Variants in GRM4 observed in about 807,000 individuals in gnomAD.
GRM4 encodes glutamate metabotropic receptor 4.
GRM4 carries 28 observed loss-of-function variants against 81.7 expected under a neutral mutation model. The observed-to-expected ratio is 0.34, with a 90% CI of 0.25 to 0.47. The LOEUF (loss-of-function observed/expected upper bound fraction) is 0.47. Among genes scored for constraint, GRM4 ranks in the 20% least tolerant of loss-of-function variants. The pLI, the probability that GRM4 is intolerant of heterozygous loss-of-function variation, is 1.00. For synonymous variants in GRM4, 488 were observed against 528.8 expected (o/e 0.92, Z 1.06); for missense variants, 948 against 1,290.0 (o/e 0.73, Z 4.06).
rs566252842 is a variant in GRM4, at chr6:34,078,920, A to G, written c.736+12963T>C. Among the ~76,000 whole-genome samples the G allele has an allele frequency of 6.6e-6, 1 of 152,318 alleles. No individual in the cohort carries two copies. The highest frequency in any genetic ancestry group is 1.9e-4 in the East Asian group (1 of 5,188). The stretch of plus-strand genomic sequence containing the variant: ...TAATGGGGCAGCATGTAAGTGAGGG[A>G]GAGAGGAAAGGACGGTCACAACGGG... On this transcript the variant is annotated intron_variant, in intron 3 of 10. Transcript: ENST00000538487. The surrounding 1 kb of genome is among the most constrained non-coding windows in gnomAD (Gnocchi z 4.8).
Position 34,061,880 on chromosome 6 carries a change from C to T in GRM4, c.872+13G>A. The T allele has an allele frequency of 6.2e-7, 1 of 1,604,296 alleles. No homozygotes were observed. Among genetic ancestry groups the T allele is most frequent in the Non-Finnish European group, 8.5e-7 (1 of 1,173,084 alleles). On this transcript the variant is annotated intron_variant, in intron 4 of 10. Coordinates refer to ENST00000538487, the MANE Select transcript of GRM4 (RefSeq NM_000841.4). ...TGGCTCCCGGTGCCCACCCTGCTGCCACCTGCCCTCACCTGATGTCATCCT... is the reference window on the plus strand; with the variant it reads ...TGGCTCCCGGTGCCCACCCTGCTGCTACCTGCCCTCACCTGATGTCATCCT...
chr6:34,033,010 G>C (rs1270760081), intron 9 of GRM4, among the ~76,000 whole-genome samples: 1 of 152,184 alleles, frequency 6.6e-6, no homozygotes, highest in Non-Finnish European at 1.5e-5. Context: ...AGTTTCCTGG[G>C]GTATGGGATG....
Position 34,028,198 on chromosome 6 carries a change from T to G in GRM4, c.2611A>C (p.Asn871His). The G allele has an allele frequency of 6.2e-7, 1 of 1,614,000 alleles. No homozygotes were observed. The highest frequency in any genetic ancestry group is 2.2e-5 in the East Asian group (1 of 44,874). The change falls in exon 10 of 11, where the codon AAC becomes CAC. Residue 871 changes from asparagine to histidine, a missense_variant. Coordinates refer to ENST00000538487, the MANE Select transcript of GRM4 (RefSeq NM_000841.4). Reference protein sequence around the residue: ...KAVVTAATMSNKFTQKGNFRP... With the variant: ...KAVVTAATMSHKFTQKGNFRP... ...AAGTTGCCCTTCTGCGTGAACTTGT[T>G]GGACATGGTGGCCGCCGTAACGACG...
rs1770346931 is a variant in GRM4, at chr6:34,133,772, G to A, written c.-276C>T. On this transcript the variant is annotated 5_prime_UTR_variant, in exon 2 of 11. Coordinates refer to ENST00000538487, the MANE Select transcript of GRM4 (RefSeq NM_000841.4). The surrounding 1 kb of genome is among the most constrained non-coding windows in gnomAD (Gnocchi z 6.5). ...CCCGTCCTGCAGGCCTGTTCTCGGT[G>A]GATGACTGTGGAAAGGGCAGAATGC... 8 of 1,214,906 alleles carry A rather than the reference G, an allele frequency of 6.6e-6. No individual in the cohort carries two copies. The highest frequency in any genetic ancestry group is 8.2e-6 in the Non-Finnish European group (8 of 976,940). The allele number at this position is 1,214,906 out of a possible 1,614,324, so 75.3% of individuals were successfully genotyped here. A position where few individuals can be genotyped will look rare whatever the true frequency, so the allele number is the denominator to read the frequency against.
At chr6:34,150,506 G>A (rs371830448), upstream of GRM4, among the ~76,000 whole-genome samples, 7 of 152,230 alleles carry the variant, frequency 4.6e-5, no homozygotes, top group South Asian at 2.1e-4. Context: ...TGGGCAGAAG[G>A]GCTGTGAGTG....
rs1246556882 is a variant in GRM4 at position 34,125,252 on chromosome 6, ACT to A, written c.519+7724_519+7725del. Reference sequence around the variant, plus strand: ...CTTCCCAAAGGACGCTTACCTTTTAACTCTGCAGGAATGAGCCTGTTTGCCCA... The same window carrying A: ...CTTCCCAAAGGACGCTTACCTTTTAACTGCAGGAATGAGCCTGTTTGCCCA... On this transcript the variant is annotated intron_variant, in intron 2 of 10. Transcript: ENST00000538487. Among the ~76,000 whole-genome samples the A allele has an allele frequency of 7.9e-5, 12 of 152,146 alleles. No homozygotes were observed. The East Asian group carries it at 2.3e-3, about 29-fold the overall frequency.
At position 34,090,030 on chromosome 6, in the gene GRM4, T is replaced by C. The variant is rs1768119006; in HGVS notation, c.736+1853A>G. ...AATCCCTTCTCCACCTCTTACTTGC[T>C]GTGTGGCCTGGTGCTAGCTATTATT... On this transcript the variant is annotated intron_variant, in intron 3 of 10. Transcript: ENST00000538487. The surrounding 1 kb of genome is among the most constrained non-coding windows in gnomAD (Gnocchi z 5.2). Among the ~76,000 whole-genome samples, 1 of 152,228 alleles carries C rather than the reference T, an allele frequency of 6.6e-6. No homozygotes were observed. Among genetic ancestry groups the C allele is most frequent in the Non-Finnish European group, 1.5e-5 (1 of 68,036 alleles).
Position 34,080,841 on chromosome 6 carries a change from C to CAT in GRM4, c.736+11041_736+11042insAT, listed in dbSNP as rs1491012174. ...TCTCTCTCTCTCTCTCACACACACA[C>CAT]ACACATACACACACACATACACATA... On this transcript the variant is annotated intron_variant, in intron 3 of 10. Transcript: ENST00000538487. The surrounding 1 kb of genome is among the most constrained non-coding windows in gnomAD (Gnocchi z 5.4). Among the ~76,000 whole-genome samples, 3 of 132,204 alleles carry CAT rather than the reference C, an allele frequency of 2.3e-5. No individual in the cohort carries two copies. Among genetic ancestry groups the CAT allele is most frequent in the Non-Finnish European group, 4.6e-5 (3 of 65,152 alleles). The allele number at this position is 132,204 out of a possible 152,430, so 86.7% of individuals were successfully genotyped here.
At chr6:34,141,377 G>C (rs867394910) in intron 1 of GRM4, among the ~76,000 whole-genome samples, 10 of 152,206 alleles carry the variant, frequency 6.6e-5, no homozygotes, top group African/African-American at 2.2e-4. Context: ...AATGGCGTGG[G>C]CTGGCATTAT....
intron 6 of GRM4, among the ~76,000 whole-genome samples, chr6:34,052,019 C>T (rs980737947): frequency 1.2e-4 from 18 of 152,210 alleles, no homozygotes; most frequent in African/African-American, 4.3e-4. Flanking sequence ...ACATCCAACC[C>T]TGACCCCTTC....
chr6:34,154,964 C>A, intron 1 of GRM4: 1 of 824,340 alleles, frequency 1.2e-6, no homozygotes. Flanking sequence ...ACCCAGCGGC[C>A]GGGCCTGGGG....
rs573192147 is a variant in GRM4 at position 34,128,121 on chromosome 6, T to C, written c.519+4857A>G. On this transcript the variant is annotated intron_variant, in intron 2 of 10. Transcript: ENST00000538487. Reference sequence around the variant, plus strand: ...CATTACTCAAAGTTAAGTTGTCTGCTCGGTCTCAACACTGAGTGCTGCACT... The same window carrying C: ...CATTACTCAAAGTTAAGTTGTCTGCCCGGTCTCAACACTGAGTGCTGCACT... Among the ~76,000 whole-genome samples the C allele has an allele frequency of 4.7e-3, 712 of 152,298 alleles. 4 individuals are homozygous for C. The highest frequency in any genetic ancestry group is 7.9e-3 in the South Asian group (38 of 4,826).
chr6:34,096,923 T>G (rs1258816132), intron 2 of GRM4, among the ~76,000 whole-genome samples: 1 of 131,596 alleles, frequency 7.6e-6, no homozygotes, highest in Non-Finnish European at 1.9e-5. Context: ...TGAGTGTGTG[T>G]GTGTGTGTGT....
intron 3 of GRM4, among the ~76,000 whole-genome samples, chr6:34,083,672 G>A (rs1767729275): frequency 6.6e-6 from 1 of 152,178 alleles, no homozygotes; most frequent in South Asian, 2.1e-4. Flanking sequence ...AACGTCAGAG[G>A]GCAGAGTGCT....
rs528243676 is a variant in GRM4 at position 34,028,212 on chromosome 6, G to A, written c.2597C>T (p.Ala866Val). Residue 866 changes from alanine (A) to valine (V), a missense_variant, in exon 10 of 11, where the codon GCG (alanine) becomes GTG (valine). Physicochemically the swap from Ala to Val is moderately conservative, Grantham distance 64. Transcript: ENST00000538487. ...CGTGAACTTGTTGGACATGGTGGCC[G>A]CCGTAACGACGGCTTTGAGGCTGCG... ...RKRSLKAVVTAATMSNKFTQK... is the reference protein window; with the variant it reads ...RKRSLKAVVTVATMSNKFTQK... The A allele has an allele frequency of 8.7e-6, 14 of 1,614,016 alleles. No individual in the cohort carries two copies. The highest frequency in any genetic ancestry group is 1.3e-5 in the African/African-American group (1 of 75,068).
intron 8 of GRM4, among the ~76,000 whole-genome samples, chr6:34,039,636 G>A (rs925774240): frequency 7.2e-5 from 11 of 152,210 alleles, no homozygotes; most frequent in Non-Finnish European, 1.5e-4. Context: ...GCGTGGCTAG[G>A]AGGACCCAGA....
chr6:34,024,701 G>A, intron 10 of GRM4: 1 of 455,860 alleles, frequency 2.2e-6, no homozygotes, highest in South Asian at 1.5e-5. Context: ...GGAGTCAGTG[G>A]CCTATGAGCT....
At chr6:34,072,592 TAC>T (rs1318528006) in intron 3 of GRM4, among the ~76,000 whole-genome samples, 1 of 135,576 alleles carries the variant, frequency 7.4e-6, no homozygotes, top group African/African-American at 2.9e-5. Flanking sequence ...ATCACACAGA[TAC>T]AGACCACACA....
chr6:34,064,877 A>C lies in GRM4; in HGVS notation c.737-2849T>G, dbSNP rs1361573598. Among the ~76,000 whole-genome samples the C allele has an allele frequency of 2.6e-5, 4 of 152,166 alleles. No homozygotes were observed. On this transcript the variant is annotated intron_variant, in intron 3 of 10. Transcript: ENST00000538487. The surrounding 1 kb of genome is among the most constrained non-coding windows in gnomAD (Gnocchi z 4.4). ...AATATCCCCATCTCACAGATGAGGA[A>C]ACTGAGGCTCAGGTTGCTAAATAGC...
Sources: allele counts gnomAD v4.1 joint callset (sites outside exome capture counted in the v4.1 genomes callset), GRCh38; gene constraint gnomAD v4.1.1; non-coding constraint Gnocchi (gnomAD v3.1); transcripts MANE v1.5; gene names NCBI Gene and HGNC (gene_info 2026-07-23, HGNC 2026-07-21).